The following DLK2 variants were observed in gnomAD, a reference collection of about 807,000 sequenced individuals.
The protein encoded by DLK2 is protein delta homolog 2.
DLK2 carries 9 observed loss-of-function variants against 31.3 expected under a neutral mutation model. The observed-to-expected ratio is 0.29, with a 90% CI of 0.17 to 0.50. The LOEUF (loss-of-function observed/expected upper bound fraction) is 0.50. DLK2 is among the 20% of genes least tolerant of loss of function. The pLI, the probability that DLK2 is intolerant of heterozygous loss-of-function variation, is 0.98. For missense variants in DLK2, 387 were observed against 526.1 expected (o/e 0.74, Z 2.59); for synonymous variants, 169 against 201.2 (o/e 0.84, Z 1.35).
rs924056864 is a variant in DLK2 at position 43,453,904 on chromosome 6, A to C, written c.140+507T>G. 1.3e-5 allele frequency among the ~76,000 whole-genome samples: 2 copies of C among 152,222 alleles called. No homozygotes were observed. The highest frequency in any genetic ancestry group is 1.3e-4 in the Admixed American group (2 of 15,284). On this transcript the variant is annotated intron_variant, in intron 3 of 5. Coordinates refer to ENST00000372488, the MANE Select transcript of DLK2 (RefSeq NM_023932.4). This position sits in a 1 kb window ranked among gnomAD's most constrained non-coding sequence, Gnocchi z 4.1. ...AAGCCCTCCAGGGGTGAAGAGTCTC[A>C]AAGACCCCCAGCCAATTGAACTACC...
At chr6:43,455,695 G>A (rs1483293297), upstream of DLK2, 2 of 119,058 alleles carry the variant, frequency 1.7e-5, no homozygotes, top group African/African-American at 6.2e-5. Context: ...CCGGGGCCCC[G>A]GCCCTCCGCG....
Position 43,451,741 on chromosome 6 carries a change from G to T in DLK2, c.416+199C>A, listed in dbSNP as rs1783754041. On this transcript the variant is annotated intron_variant, in intron 5 of 5. Transcript: ENST00000372488. This position sits in a 1 kb window ranked among gnomAD's most constrained non-coding sequence, Gnocchi z 4.4. ...CCTCTAGCTCCTATAGATTGTTGAA[G>T]AAATGGCTCAGAAGGTACAAAAAAA... Among the ~76,000 whole-genome samples, 1 of 151,256 alleles carries T rather than the reference G, an allele frequency of 6.6e-6. No individual in the cohort carries two copies. Among genetic ancestry groups the T allele is most frequent in the African/African-American group, 2.4e-5 (1 of 41,190 alleles).
At position 43,450,454 on chromosome 6, in the gene DLK2, C is replaced by T; in HGVS notation, c.*85G>A. On this transcript the variant is annotated 3_prime_UTR_variant, in exon 6 of 6. Coordinates refer to ENST00000372488, the MANE Select transcript of DLK2 (RefSeq NM_023932.4). The surrounding 1 kb of genome is among the most constrained non-coding windows in gnomAD (Gnocchi z 4.5). Reference sequence around the variant, plus strand: ...GCTGAGGTCTCCTCTGTGTGTGTACCCAAGCTGAAGGGTGGTGAGAACGGA... The same window carrying T: ...GCTGAGGTCTCCTCTGTGTGTGTACTCAAGCTGAAGGGTGGTGAGAACGGA... 6.9e-7 allele frequency: 1 copy of T among 1,454,978 alleles called. No individual in the cohort carries two copies. The highest frequency in any genetic ancestry group is 9.2e-7 in the Non-Finnish European group (1 of 1,089,384). 90.1% of individuals were successfully genotyped at this position (1,454,978 alleles called of 1,614,324 possible).
In DLK2 at chr6:43,455,110, A is replaced by T. The variant is rs562388446; in HGVS notation, c.-55-230T>A. On this transcript the variant is annotated intron_variant, in intron 1 of 5. Coordinates refer to ENST00000372488, the MANE Select transcript of DLK2 (RefSeq NM_023932.4). ...AGGAGGGGAAAGATGGGCATCGCGG[A>T]GCGAGGCCAGGCGCGGGAATGGCTG... 4.1e-6 allele frequency: 4 copies of T among 983,818 alleles called. No homozygotes were observed. The African/African-American group carries it at 7.0e-5, about 17-fold the overall frequency. 60.9% of individuals were successfully genotyped at this position (983,818 alleles called of 1,614,324 possible). A position where few individuals can be genotyped will look rare whatever the true frequency, so the allele number is the denominator to read the frequency against.
In DLK2 at chr6:43,453,302, C is replaced by T. The variant is rs1014696434; in HGVS notation, c.141-167G>A. On this transcript the variant is annotated intron_variant, in intron 3 of 5. Coordinates refer to ENST00000372488, the MANE Select transcript of DLK2 (RefSeq NM_023932.4). This position sits in a 1 kb window ranked among gnomAD's most constrained non-coding sequence, Gnocchi z 4.1. ...TGTGCAGGGTCATAGGACACATATA[C>T]GGAATCAGACCATCAGACACCAGCA... is the stretch of plus-strand genomic sequence containing the variant. Among the ~76,000 whole-genome samples the T allele has an allele frequency of 4.6e-5, 7 of 152,306 alleles. No homozygotes were observed. The highest frequency in any genetic ancestry group is 2.1e-4 in the South Asian group (1 of 4,832).
chr6:43,451,379 C>T lies in DLK2; in HGVS notation c.417-105G>A. 7.3e-7 allele frequency: 1 copy of T among 1,377,914 alleles called. No individual in the cohort carries two copies. Among genetic ancestry groups the T allele is most frequent in the Non-Finnish European group, 9.7e-7 (1 of 1,026,184 alleles). The allele number at this position is 1,377,914 out of a possible 1,614,324, so 85.4% of individuals were successfully genotyped here. ...GCCCGCCATGTCATCTTGGGCTACA[C>T]ACTCCGAGCCTCAAATACCTCATTT... On this transcript the variant is annotated intron_variant, in intron 5 of 5. Coordinates refer to ENST00000372488, the MANE Select transcript of DLK2 (RefSeq NM_023932.4). This position sits in a 1 kb window ranked among gnomAD's most constrained non-coding sequence, Gnocchi z 4.4.
In DLK2 at chr6:43,453,219, A is replaced by G; in HGVS notation, c.141-84T>C. The G allele has an allele frequency of 6.7e-7, 1 of 1,484,742 alleles. No individual in the cohort carries two copies. Among genetic ancestry groups the G allele is most frequent in the Non-Finnish European group, 9.0e-7 (1 of 1,113,840 alleles). The allele number at this position is 1,484,742 out of a possible 1,614,324, so 92.0% of individuals were successfully genotyped here. On this transcript the variant is annotated intron_variant, in intron 3 of 5. Coordinates refer to ENST00000372488, the MANE Select transcript of DLK2 (RefSeq NM_023932.4). The surrounding 1 kb of genome is among the most constrained non-coding windows in gnomAD (Gnocchi z 4.1). The stretch of plus-strand genomic sequence containing the variant: ...GACAGAACCAGAGCTTCTAGAAACC[A>G]AGAGGACATATGACAGCCCCTAAGG...
chr6:43,450,536 C>A lies in DLK2; in HGVS notation c.*3G>T, dbSNP rs1410353048. The A allele has an allele frequency of 6.5e-7, 1 of 1,540,660 alleles. No individual in the cohort carries two copies. Among genetic ancestry groups the A allele is most frequent in the Non-Finnish European group, 8.7e-7 (1 of 1,143,016 alleles). On this transcript the variant is annotated 3_prime_UTR_variant, in exon 6 of 6. Transcript: ENST00000372488. The surrounding 1 kb of genome is among the most constrained non-coding windows in gnomAD (Gnocchi z 4.5). ...GAAGGGGGCCAGAAAGCCCCCACCT[C>A]CATCACAGTGCTGTGGTCTTTCCAG...
Position 43,450,883 on chromosome 6 carries a change from C to G in DLK2, c.808G>C (p.Val270Leu), listed in dbSNP as rs1454844426. ...VDTPLGPTSA[V>L]VVPATGPAPH... is the part of the protein sequence containing the mutation. ...GCTGGCCCCGTGGCAGGTACCACTA[C>G]AGCTGAGGTGGGCCCTAGAGGGGTG... The change falls in exon 6 of 6, where the codon GTA (valine) becomes CTA (leucine). Residue 270 changes from valine to leucine, a missense_variant. Coordinates refer to ENST00000372488, the MANE Select transcript of DLK2 (RefSeq NM_023932.4). This position sits in a 1 kb window ranked among gnomAD's most constrained non-coding sequence, Gnocchi z 4.5. 4 of 1,614,078 alleles carry G rather than the reference C, an allele frequency of 2.5e-6. No individual in the cohort carries two copies. The highest frequency in any genetic ancestry group is 3.4e-6 in the Non-Finnish European group (4 of 1,180,008).
chr6:43,454,879 A>G lies in DLK2; in HGVS notation c.-54T>C. On this transcript the variant is annotated splice_region_variant and 5_prime_UTR_variant, in exon 2 of 6. Transcript: ENST00000372488. ...CGGATGGACGGCCGGACGCGTGGAC[A>G]CCTGTGGGACGGCACCGGTTGGGAG... 1 of 1,530,972 alleles carries G rather than the reference A, an allele frequency of 6.5e-7. No individual in the cohort carries two copies. Among genetic ancestry groups the G allele is most frequent in the South Asian group, 1.2e-5 (1 of 83,770 alleles). The allele number at this position is 1,530,972 out of a possible 1,614,324, so 94.8% of individuals were successfully genotyped here.
At position 43,451,212 on chromosome 6, in the gene DLK2, C is replaced by T. The variant is rs1783712706; in HGVS notation, c.479G>A (p.Cys160Tyr). 6.2e-7 allele frequency: 1 copy of T among 1,614,184 alleles called. No individual in the cohort carries two copies. Among genetic ancestry groups the T allele is most frequent in the Non-Finnish European group, 8.5e-7 (1 of 1,180,024 alleles). ...ACCCACAAAGCCCACCAAGCAGCGG[C>T]ACGTGAAGTTGAGAGCAAAGCCCTG... Reference protein sequence around the residue: ...DDQGFALNFTCRCLVGFVGAR... With the variant: ...DDQGFALNFTYRCLVGFVGAR... The change falls in exon 6 of 6, where the codon TGC becomes TAC. Residue 160 changes from cysteine to tyrosine, a missense_variant. By Grantham distance (194) the Cys-to-Tyr change is radical. Coordinates refer to ENST00000372488, the MANE Select transcript of DLK2 (RefSeq NM_023932.4). The surrounding 1 kb of genome is among the most constrained non-coding windows in gnomAD (Gnocchi z 4.4).
chr6:43,451,875 CTT>C lies in DLK2; in HGVS notation c.416+63_416+64del. 6.3e-7 allele frequency: 1 copy of C among 1,594,710 alleles called. No homozygotes were observed. The highest frequency in any genetic ancestry group is 1.7e-5 in the Admixed American group (1 of 58,288). Reference sequence around the variant, plus strand: ...CCCCACCCTCCCAACAGTCCTGCCTCTTTTCTCATCCCATCACCAGGTTCTGG... The same window carrying C: ...CCCCACCCTCCCAACAGTCCTGCCTCTTCTCATCCCATCACCAGGTTCTGG... On this transcript the variant is annotated intron_variant, in intron 5 of 5. Coordinates refer to ENST00000372488, the MANE Select transcript of DLK2 (RefSeq NM_023932.4). The surrounding 1 kb of genome is among the most constrained non-coding windows in gnomAD (Gnocchi z 4.4).
chr6:43,454,822 G>C lies in DLK2; in HGVS notation c.4C>G (p.Pro2Ala). Reference protein sequence around the residue: MPSGCRCLHLVC... With the variant: MASGCRCLHLVC... ...AGATGCAGGCAGCGGCAGCCGCTGG[G>C]CATGGTCAGCGCCGGCCCCAGGAGG... The change falls in exon 2 of 6, where the codon CCC becomes GCC. Residue 2 changes from proline (P) to alanine (A), a missense_variant. Coordinates refer to ENST00000372488, the MANE Select transcript of DLK2 (RefSeq NM_023932.4). The C allele has an allele frequency of 6.5e-7, 1 of 1,548,528 alleles. No homozygotes were observed. Among genetic ancestry groups the C allele is most frequent in the Admixed American group, 1.9e-5 (1 of 51,480 alleles).
upstream of DLK2, chr6:43,455,574 G>A (rs940586894): frequency 4.0e-5 from 6 of 150,250 alleles, no homozygotes; most frequent in African/African-American, 1.5e-4. Flanking sequence ...CCCGAGCGGC[G>A]GCAGCGGCTG....
Position 43,453,207 on chromosome 6 carries a change from C to T in DLK2, c.141-72G>A, listed in dbSNP as rs934053992. The T allele has an allele frequency of 6.0e-6, 9 of 1,507,466 alleles. No homozygotes were observed. The Admixed American group carries it at 2.1e-4, about 35-fold the overall frequency. The allele number at this position is 1,507,466 out of a possible 1,614,324, so 93.4% of individuals were successfully genotyped here. A position where few individuals can be genotyped will look rare whatever the true frequency, so the allele number is the denominator to read the frequency against. ...AGAAATGGAGGAGACAGAACCAGAG[C>T]TTCTAGAAACCAAGAGGACATATGA... On this transcript the variant is annotated intron_variant, in intron 3 of 5. Transcript: ENST00000372488. The surrounding 1 kb of genome is among the most constrained non-coding windows in gnomAD (Gnocchi z 4.1).
rs182142341 is a variant in DLK2 at position 43,455,019 on chromosome 6, G to A, written c.-55-139C>T. The stretch of plus-strand genomic sequence containing the variant: ...TGGGGGTAGCGGGAGGATGGGGGCA[G>A]GGAAGGGTTGAGCAGGCGAAGAGAG... On this transcript the variant is annotated intron_variant, in intron 1 of 5. Transcript: ENST00000372488. The A allele has an allele frequency of 9.5e-5, 136 of 1,435,220 alleles. No homozygotes were observed. In the African/African-American group the frequency reaches 1.1e-3, roughly 11 times the overall value. 88.9% of individuals were successfully genotyped at this position (1,435,220 alleles called of 1,614,324 possible). A position where few individuals can be genotyped will look rare whatever the true frequency, so the allele number is the denominator to read the frequency against.
In DLK2 at chr6:43,451,182, C is replaced by G; in HGVS notation, c.509G>C (p.Arg170Pro). 1 of 1,614,154 alleles carries G rather than the reference C, an allele frequency of 6.2e-7. No homozygotes were observed. Among genetic ancestry groups the G allele is most frequent in the Non-Finnish European group, 8.5e-7 (1 of 1,180,022 alleles). ...GCAGTCATCCACATTTACCTCACAGCGGGCACCCACAAAGCCCACCAAGCA... is the reference window on the plus strand; with the variant it reads ...GCAGTCATCCACATTTACCTCACAGGGGGCACCCACAAAGCCCACCAAGCA... ...CRCLVGFVGA[R>P]CEVNVDDCLM... The change falls in exon 6 of 6, where the codon CGC becomes CCC. Residue 170 changes from arginine to proline, a missense_variant. Transcript: ENST00000372488. This position sits in a 1 kb window ranked among gnomAD's most constrained non-coding sequence, Gnocchi z 4.4.
At position 43,452,999 on chromosome 6, in the gene DLK2, C is replaced by G; in HGVS notation, c.271+6G>C. On this transcript the variant is annotated splice_donor_region_variant and intron_variant, in intron 4 of 5. Coordinates refer to ENST00000372488, the MANE Select transcript of DLK2 (RefSeq NM_023932.4). ...CCAACCAAAAGCTACCCTTCCTCCC[C>G]CCTACCTTTGTCACAGAACTTGCCT... 1.2e-6 allele frequency: 2 copies of G among 1,614,046 alleles called. No individual in the cohort carries two copies. The highest frequency in any genetic ancestry group is 1.7e-6 in the Non-Finnish European group (2 of 1,179,980).
Position 43,450,806 on chromosome 6 carries a change from C to T in DLK2, c.885G>A (p.Val295=), listed in dbSNP as rs750612424. 12 of 1,614,102 alleles carry T rather than the reference C, an allele frequency of 7.4e-6. No individual in the cohort carries two copies. Among genetic ancestry groups the T allele is most frequent in the African/African-American group, 2.7e-5 (2 of 74,942 alleles). Residue 295 remains valine, a synonymous_variant, in exon 6 of 6, where the codon GTG becomes GTA. Coordinates refer to ENST00000372488, the MANE Select transcript of DLK2 (RefSeq NM_023932.4). The surrounding 1 kb of genome is among the most constrained non-coding windows in gnomAD (Gnocchi z 4.5). ...CACCTAGCCCAGCCTCTTGCCTCCG[C>T]ACCACCTCCTTCACTGAGATCCGCA... ...GLLRISVKEV[V]RRQEAGLGEP... is the part of the protein sequence containing the mutation.
Sources: allele counts gnomAD v4.1 joint callset (sites outside exome capture counted in the v4.1 genomes callset), GRCh38; gene constraint gnomAD v4.1.1; non-coding constraint Gnocchi (gnomAD v3.1); transcripts MANE v1.5; gene names NCBI Gene and HGNC (gene_info 2026-07-23, HGNC 2026-07-21).